The following GPATCH8 variants were observed in gnomAD, a reference collection of about 807,000 sequenced individuals.
GPATCH8 encodes the protein G-patch domain containing 8.
Under a neutral mutation model 118.3 loss-of-function variants are expected in GPATCH8, and 18 were observed. The ratio of observed to expected loss-of-function variants is 0.15; its 90% CI spans 0.11 to 0.23. The LOEUF (loss-of-function observed/expected upper bound fraction) is 0.23, where lower values mean the gene tolerates loss of function less well. Ranked by LOEUF, GPATCH8 falls within the 10% of genes least tolerant of loss-of-function variation. The pLI is 1.00. For synonymous variants in GPATCH8, 659 were observed against 684.7 expected (o/e 0.96, Z 0.59); for missense variants, 1,631 against 1,873.8 (o/e 0.87, Z 2.39).
intron 6 of GPATCH8, among the ~76,000 whole-genome samples, chr17:44,416,494 AG>A (rs2049690475): frequency 6.6e-6 from 1 of 152,210 alleles, no homozygotes; most frequent in Admixed American, 6.5e-5. Flanking sequence ...ACAGACCCCA[AG>A]AAAATGGTAT....
In GPATCH8 at chr17:44,401,615, G is replaced by A. The variant is rs373811339; in HGVS notation, c.624-162C>T. Among the ~76,000 whole-genome samples the A allele has an allele frequency of 5.5e-4, 83 of 152,232 alleles. 1 individual carries two copies. The South Asian group carries it at 0.017, about 31-fold the overall frequency. On this transcript the variant is annotated intron_variant, in intron 7 of 7. Transcript: ENST00000591680. The stretch of plus-strand genomic sequence containing the variant: ...TCCCTAGCCCTATACTAACAAATGC[G>A]ACTTTCTAAGAGGAGGTTAGGCAAA...
chr17:44,460,487 T>C (rs1221685270), intron 3 of GPATCH8, among the ~76,000 whole-genome samples: 1 of 152,030 alleles, frequency 6.6e-6, no homozygotes, highest in Non-Finnish European at 1.5e-5. Context: ...CATTCCAGAG[T>C]CTGCATGCCC....
In GPATCH8 at chr17:44,399,532, G is replaced by T; in HGVS notation, c.2545C>A (p.His849Asn). ...EEEEEDSGSE[H>N]SRSRSRSGRR... ...CCAGACCTTGAGCGGCTGCGGGAAT[G>T]CTCACTGCCTGAATCTTCCTCTTCT... The change falls in exon 8 of 8, where the codon CAT becomes AAT. Residue 849 changes from histidine (H) to asparagine (N), a missense_variant. Around this residue, in one of 8 missense-constraint regions of GPATCH8, gnomAD observed 922 missense variants for 879.7 expected, o/e 1.05. Coordinates refer to ENST00000591680, the MANE Select transcript of GPATCH8 (RefSeq NM_001002909.4). 9 of 1,614,172 alleles carry T rather than the reference G, an allele frequency of 5.6e-6. No homozygotes were observed. The highest frequency in any genetic ancestry group is 7.6e-6 in the Non-Finnish European group (9 of 1,180,024).
intron 1 of GPATCH8, among the ~76,000 whole-genome samples, chr17:44,498,208 G>A (rs896780543): frequency 2.6e-5 from 4 of 152,114 alleles, no homozygotes; most frequent in African/African-American, 7.2e-5. Context: ...TAGAAGAAAG[G>A]GAAAGGTACA....
intron 3 of GPATCH8, among the ~76,000 whole-genome samples, chr17:44,443,708 G>A (rs903169029): frequency 6.6e-5 from 10 of 151,670 alleles, no homozygotes; most frequent in Admixed American, 3.3e-4. Context: ...TCTCACCATC[G>A]CCCAGGCTGG....
At chr17:44,441,910 C>T (rs1271622806) in intron 3 of GPATCH8, among the ~76,000 whole-genome samples, 1 of 151,640 alleles carries the variant, frequency 6.6e-6, no homozygotes, top group African/African-American at 2.4e-5. Context: ...TGCCTGTAAT[C>T]CTAGCTACTT....
At chr17:44,486,581 G>A (rs1968800746) in intron 1 of GPATCH8, 1 of 152,164 alleles carries the variant, frequency 6.6e-6, no homozygotes, top group African/African-American at 2.4e-5. Context: ...GGTTGTGCAA[G>A]CAATGTCTTT....
At chr17:44,433,105 C>T (rs972134323) in intron 5 of GPATCH8, among the ~76,000 whole-genome samples, 15 of 152,052 alleles carry the variant, frequency 9.9e-5, no homozygotes, top group Non-Finnish European at 2.1e-4. Flanking sequence ...AAAGCACAGC[C>T]GTGATCCACC....
intron 2 of GPATCH8, among the ~76,000 whole-genome samples, chr17:44,466,371 T>G (rs1263580902): frequency 6.6e-6 from 1 of 152,276 alleles, no homozygotes; most frequent in African/African-American, 2.4e-5. Context: ...ACATATTGTT[T>G]CAAATATACA....
chr17:44,403,042 T>C (rs956592010), intron 7 of GPATCH8, among the ~76,000 whole-genome samples: 1 of 152,090 alleles, frequency 6.6e-6, no homozygotes, highest in Non-Finnish European at 1.5e-5. Context: ...GCCTCCTAAG[T>C]AGCTATGACT....
chr17:44,476,154 C>A (rs1266937414), intron 1 of GPATCH8, among the ~76,000 whole-genome samples: 1 of 152,116 alleles, frequency 6.6e-6, no homozygotes, highest in Non-Finnish European at 1.5e-5. Context: ...CTCTTTTAGA[C>A]TGACTACATT....
At chr17:44,415,645 CA>C (rs1179527857) in intron 6 of GPATCH8, among the ~76,000 whole-genome samples, 1 of 152,182 alleles carries the variant, frequency 6.6e-6, no homozygotes, top group Non-Finnish European at 1.5e-5. Context: ...GCAAATGGCA[CA>C]ACAACAACCC....
chr17:44,397,345 A>AG lies in GPATCH8; in HGVS notation c.*222dup, dbSNP rs1173921683. 2 of 678,802 alleles carry AG rather than the reference A, an allele frequency of 2.9e-6. No homozygotes were observed. The highest frequency in any genetic ancestry group is 5.4e-6 in the Non-Finnish European group (2 of 370,938). The allele number at this position is 678,802 out of a possible 1,614,324, so 42.0% of individuals were successfully genotyped here. A position where few individuals can be genotyped will look rare whatever the true frequency, so the allele number is the denominator to read the frequency against. On this transcript the variant is annotated 3_prime_UTR_variant, in exon 8 of 8. Transcript: ENST00000591680. ...GTTCCCTAGCTTAGAAACACAGAAG[A>AG]GGGAGGGACAAATTGAGAGGAGGAC...
At chr17:44,452,290 GAAAAAAA>G (rs781273009) in intron 3 of GPATCH8, among the ~76,000 whole-genome samples, 1 of 107,242 alleles carries the variant, frequency 9.3e-6, no homozygotes, top group African/African-American at 3.6e-5. Context: ...AAAAAAAAAA[GAAAAAAA>G]AAAAAAGGAA....
Position 44,397,848 on chromosome 17 carries a change from TG to T in GPATCH8, c.4228del (p.Gln1410SerfsTer4). On this transcript the variant is annotated frameshift_variant, in exon 8 of 8. Transcript: ENST00000591680. LOFTEE classifies it high-confidence loss of function. Reference sequence around the variant, plus strand: ...CAAAGAAATGGGGGTCAGATGGGGCTGGGGAATATGATGCACCTGGGCAAGT... The same window carrying T: ...CAAAGAAATGGGGGTCAGATGGGGCTGGGAATATGATGCACCTGGGCAAGT... ...QPLAQVHHIP[Q>X]PHLTPISLSH... 6.2e-7 allele frequency: 1 copy of T among 1,602,064 alleles called. No individual in the cohort carries two copies. Among genetic ancestry groups the T allele is most frequent in the Non-Finnish European group, 8.5e-7 (1 of 1,172,126 alleles).
intron 2 of GPATCH8, chr17:44,464,920 G>A: frequency 5.4e-6 from 1 of 186,576 alleles, no homozygotes; most frequent in Non-Finnish European, 1.1e-5. Flanking sequence ...CACCTAAACA[G>A]CACCACTTTA....
chr17:44,431,216 C>A (rs2050299889), intron 5 of GPATCH8, among the ~76,000 whole-genome samples: 1 of 150,670 alleles, frequency 6.6e-6, no homozygotes. Flanking sequence ...ACTAAAAATA[C>A]CAAAATAATT....
chr17:44,450,430 G>A (rs894890396), intron 3 of GPATCH8, among the ~76,000 whole-genome samples: 2 of 151,966 alleles, frequency 1.3e-5, no homozygotes, highest in African/African-American at 2.4e-5. Context: ...TGCTATCATC[G>A]GGCCCCAACT....
intron 1 of GPATCH8, among the ~76,000 whole-genome samples, chr17:44,485,837 G>A (rs1334688091): frequency 1.7e-4 from 26 of 152,048 alleles, no homozygotes; most frequent in Admixed American, 9.2e-4. Flanking sequence ...TTAAGTCCAG[G>A]TACTCTTTCT....
Sources: gnomAD v4.1 joint callset for allele counts (sites outside exome capture counted in the v4.1 genomes callset) on GRCh38, gnomAD v4.1.1 for gene constraint, gnomAD v4.1.1 regional missense constraint, MANE v1.5 for transcripts, NCBI Gene and HGNC (gene_info 2026-07-23, HGNC 2026-07-21) for gene names.